Variants in ATP8A2 observed in about 807,000 individuals in gnomAD.
ATP8A2 encodes the protein ATPase phospholipid transporting 8A2.
ATP8A2 carries 100 observed loss-of-function variants against 165.6 expected under a neutral mutation model. The observed-to-expected ratio is 0.60, with a 90% confidence interval of 0.51 to 0.71. The LOEUF is 0.71. Among genes scored for constraint, ATP8A2 ranks in the 30% least tolerant of loss-of-function variants. The pLI is 0.00. For synonymous variants in ATP8A2, 543 were observed against 548.8 expected (o/e 0.99, Z 0.15); for missense variants, 1,227 against 1,479.5 (o/e 0.83, Z 2.80).
intron 27 of ATP8A2, among the ~76,000 whole-genome samples, chr13:25,784,074 C>T (rs1031930500): frequency 3.3e-5 from 5 of 152,130 alleles, no homozygotes; most frequent in Non-Finnish European, 7.4e-5. Context: ...TCTTACTGCC[C>T]TTTCCATGTG....
chr13:25,673,671 A>T (rs1211693871), intron 24 of ATP8A2, among the ~76,000 whole-genome samples: 9 of 152,124 alleles, frequency 5.9e-5, no homozygotes. Context: ...TCTTCCATAT[A>T]TCCCACCCAA....
At chr13:25,955,573 T>G (rs1955499221) in intron 33 of ATP8A2, among the ~76,000 whole-genome samples, 1 of 152,130 alleles carries the variant, frequency 6.6e-6, no homozygotes, top group Admixed American at 6.6e-5. Flanking sequence ...AAGACTAAAC[T>G]GGGAAGAAGT....
At chr13:25,682,100 T>TA (rs1008013893) in intron 24 of ATP8A2, among the ~76,000 whole-genome samples, 180 of 152,048 alleles carry the variant, frequency 1.2e-3, no homozygotes, top group African/African-American at 4.1e-3. Flanking sequence ...AAGCAAAATT[T>TA]AAAAAAAACA....
intron 36 of ATP8A2, among the ~76,000 whole-genome samples, chr13:26,015,837 G>A (rs1285478334): frequency 6.6e-6 from 1 of 152,214 alleles, no homozygotes; most frequent in Non-Finnish European, 1.5e-5. Context: ...AGGACTTCCT[G>A]AAACATGAGT....
At chr13:25,854,654 G>A (rs554647174) in intron 30 of ATP8A2, among the ~76,000 whole-genome samples, 1 of 152,250 alleles carries the variant, frequency 6.6e-6, no homozygotes, top group African/African-American at 2.4e-5. Flanking sequence ...TTTCCAAGTG[G>A]CTTCTGTCCA....
At chr13:25,488,726 G>C (rs1162572807) in intron 2 of ATP8A2, among the ~76,000 whole-genome samples, 2 of 152,098 alleles carry the variant, frequency 1.3e-5, no homozygotes, top group Admixed American at 1.3e-4. Context: ...ACCAAAAGCA[G>C]TCTTAGTACT....
rs1315440590 is a variant in ATP8A2 at position 25,952,550 on chromosome 13, A to G, written c.3184-9025A>G. 2.0e-5 allele frequency among the ~76,000 whole-genome samples: 3 copies of G among 151,866 alleles called. No individual in the cohort carries two copies. In the East Asian group the frequency reaches 5.8e-4, roughly 29 times the overall value. ...CGCACTACCACACCCAGCTATTTTT[A>G]TTTTTTGTAGAAACAGGGTCTCACG... is the stretch of plus-strand genomic sequence containing the variant. On this transcript the variant is annotated intron_variant, in intron 33 of 36. Coordinates refer to ENST00000381655, the MANE Select transcript of ATP8A2 (RefSeq NM_016529.6).
intron 33 of ATP8A2, chr13:25,926,994 T>C (rs1247917315): frequency 2.6e-6 from 1 of 377,652 alleles, no homozygotes; most frequent in Non-Finnish European, 5.5e-6. Context: ...GCACTTTCCC[T>C]GCATCCTGCT....
rs1020952946 is a variant in ATP8A2 at position 25,468,822 on chromosome 13, G to C, written c.77-155G>C. The C allele has an allele frequency of 1.4e-5, 14 of 984,232 alleles. No individual in the cohort carries two copies. The African/African-American group carries it at 2.1e-4, about 15-fold the overall frequency. The allele number at this position is 984,232 out of a possible 1,614,324, so 61.0% of individuals were successfully genotyped here. A position where few individuals can be genotyped will look rare whatever the true frequency, so the allele number is the denominator to read the frequency against. ...TGGCTGCCGCGGCACAGGCGGCGGC[G>C]TCTCCAGGGGGAGCCAAGGTACGTA... On this transcript the variant is annotated intron_variant, in intron 1 of 36. Transcript: ENST00000381655.
At chr13:25,707,567 A>G (rs1167015705) in intron 25 of ATP8A2, among the ~76,000 whole-genome samples, 1 of 152,230 alleles carries the variant, frequency 6.6e-6, no homozygotes, top group Non-Finnish European at 1.5e-5. Context: ...GATTGAAAAT[A>G]CAGGAAGCTC....
chr13:25,393,050 C>A (rs182987493), intron 1 of ATP8A2, among the ~76,000 whole-genome samples: 156 of 152,164 alleles, frequency 1.0e-3, no homozygotes, highest in African/African-American at 3.7e-3. Flanking sequence ...GCTTTTCTTT[C>A]CCTGAGCCAT....
chr13:25,535,234 T>G (rs1000007329), intron 6 of ATP8A2, among the ~76,000 whole-genome samples: 1 of 152,186 alleles, frequency 6.6e-6, no homozygotes, highest in African/African-American at 2.4e-5. Context: ...CTGGCTGTCC[T>G]TAAGGTCCCC....
At chr13:25,380,059 A>C (rs1363882065) in intron 1 of ATP8A2, among the ~76,000 whole-genome samples, 4 of 152,182 alleles carry the variant, frequency 2.6e-5, no homozygotes, top group Non-Finnish European at 5.9e-5. Context: ...CGATGAGTGA[A>C]GATTGTAAAT....
At chr13:25,765,622 C>T (rs549509947) in intron 25 of ATP8A2, among the ~76,000 whole-genome samples, 28 of 152,210 alleles carry the variant, frequency 1.8e-4, no homozygotes, top group African/African-American at 6.5e-4. Flanking sequence ...AAAATACTAC[C>T]GTATGACTTG....
At chr13:25,938,429 G>A (rs1333950170) in intron 33 of ATP8A2, among the ~76,000 whole-genome samples, 1 of 152,200 alleles carries the variant, frequency 6.6e-6, no homozygotes, top group Non-Finnish European at 1.5e-5. Flanking sequence ...ACCAAAGCCA[G>A]GAAATTACAA....
intron 10 of ATP8A2, among the ~76,000 whole-genome samples, chr13:25,548,078 T>A (rs1261264943): frequency 6.6e-6 from 1 of 151,916 alleles, no homozygotes; most frequent in Non-Finnish European, 1.5e-5. Flanking sequence ...TACAAAAAAT[T>A]AGCTGGGCGT....
intron 24 of ATP8A2, among the ~76,000 whole-genome samples, chr13:25,649,222 C>G (rs1249818987): frequency 2.6e-5 from 4 of 152,306 alleles, no homozygotes. Flanking sequence ...CTTGGGCAGG[C>G]AGAGCTTATT....
chr13:25,710,272 C>T (rs1458989171), intron 25 of ATP8A2, among the ~76,000 whole-genome samples: 4 of 152,138 alleles, frequency 2.6e-5, no homozygotes, highest in African/African-American at 7.2e-5. Context: ...GTGTTAGGAA[C>T]ATTCCAACTC....
intron 9 of ATP8A2, among the ~76,000 whole-genome samples, chr13:25,542,908 A>G (rs2038528564): frequency 1.3e-5 from 2 of 152,118 alleles, no homozygotes; most frequent in African/African-American, 4.8e-5. Context: ...TGTAAAATAC[A>G]CTAGATTTAT....
Sources: allele counts gnomAD v4.1 joint callset (sites outside exome capture counted in the v4.1 genomes callset), GRCh38; gene constraint gnomAD v4.1.1; transcripts MANE v1.5; gene names NCBI Gene and HGNC (gene_info 2026-07-23, HGNC 2026-07-21).